The following MYT1L variants were observed in gnomAD, a reference collection of about 807,000 sequenced individuals.
MYT1L encodes the protein myelin transcription factor 1-like protein.
Under a neutral mutation model 126.7 loss-of-function variants are expected in MYT1L, and 12 were observed. The observed-to-expected ratio is 0.09, with a 90% CI of 0.06 to 0.15. The LOEUF is 0.15. MYT1L is among the 10% of genes least tolerant of loss of function. The probability of loss-of-function intolerance (pLI) is 1.00; values close to 1 mark genes in which losing one functional copy is unlikely to be tolerated. For synonymous variants in MYT1L, 541 were observed against 604.2 expected (o/e 0.90, Z 1.53); for missense variants, 979 against 1,585.2 (o/e 0.62, Z 6.49).
At chr2:1,986,579 T>C (rs542787839) in intron 5 of MYT1L, among the ~76,000 whole-genome samples, 69 of 152,300 alleles carry the variant, frequency 4.5e-4, no homozygotes, top group African/African-American at 1.6e-3. Context: ...CATAAAATAA[T>C]TTACATTTGA....
At chr2:2,159,042 C>T (rs2087299274) in intron 3 of MYT1L, among the ~76,000 whole-genome samples, 1 of 152,202 alleles carries the variant, frequency 6.6e-6, no homozygotes, top group South Asian at 2.1e-4. Flanking sequence ...ACACTCAGTG[C>T]ATCATGACAA....
At chr2:1,835,489 T>C (rs559161862) in intron 21 of MYT1L, among the ~76,000 whole-genome samples, 1 of 152,370 alleles carries the variant, frequency 6.6e-6, no homozygotes, top group African/African-American at 2.4e-5. Context: ...GAGGACCATC[T>C]GTATACCTAA....
At chr2:2,027,882 A>G (rs1158956044) in intron 4 of MYT1L, among the ~76,000 whole-genome samples, 3 of 152,350 alleles carry the variant, frequency 2.0e-5, no homozygotes, top group East Asian at 3.9e-4. Context: ...CTCATTATAC[A>G]TGGCAGCTAA....
At chr2:1,863,573 G>A (rs537244473) in intron 18 of MYT1L, among the ~76,000 whole-genome samples, 2 of 152,228 alleles carry the variant, frequency 1.3e-5, no homozygotes, top group Admixed American at 1.3e-4. Flanking sequence ...ACCCCCGGAA[G>A]GATAGAAACG....
chr2:2,265,606 G>A (rs946786730), intron 2 of MYT1L, among the ~76,000 whole-genome samples: 2 of 152,228 alleles, frequency 1.3e-5, no homozygotes, highest in Admixed American at 6.5e-5. Context: ...GTGCACCCGC[G>A]GCATGGGAAG....
intron 3 of MYT1L, among the ~76,000 whole-genome samples, chr2:2,060,863 C>CT (rs928522218): frequency 2.1e-5 from 3 of 142,250 alleles, no homozygotes; most frequent in Admixed American, 7.2e-5. Flanking sequence ...TCTCTCCTTC[C>CT]TTTTTTTTGG....
intron 2 of MYT1L, among the ~76,000 whole-genome samples, chr2:2,177,957 G>C (rs1392563051): frequency 1.3e-5 from 2 of 152,178 alleles, no homozygotes; most frequent in Non-Finnish European, 2.9e-5. Context: ...GGATAGCTGA[G>C]ATGATCTTTG....
chr2:2,163,412 A>T (rs557020483), intron 3 of MYT1L, among the ~76,000 whole-genome samples: 109 of 152,254 alleles, frequency 7.2e-4, no homozygotes, highest in African/African-American at 2.5e-3. Flanking sequence ...ATGTTGCCTG[A>T]CAGTAGTTGC....
intron 3 of MYT1L, among the ~76,000 whole-genome samples, chr2:2,066,377 A>C (rs61364857): frequency 6.6e-6 from 1 of 152,214 alleles, no homozygotes; most frequent in Non-Finnish European, 1.5e-5. Flanking sequence ...TCAGGAACAC[A>C]GACCCTCAAG....
At chr2:1,844,539 T>C (rs895699187) in intron 19 of MYT1L, among the ~76,000 whole-genome samples, 4 of 152,188 alleles carry the variant, frequency 2.6e-5, no homozygotes, top group Admixed American at 2.0e-4. Flanking sequence ...CTTCCAGGTA[T>C]TGCGCCAAGG....
intron 2 of MYT1L, among the ~76,000 whole-genome samples, chr2:2,260,344 C>A (rs1217843708): frequency 6.6e-6 from 1 of 152,180 alleles, no homozygotes; most frequent in African/African-American, 2.4e-5. Context: ...ATTGTAAAGG[C>A]ATATACAGAC....
intron 11 of MYT1L, among the ~76,000 whole-genome samples, chr2:1,913,899 T>C (rs1310230654): frequency 3.9e-5 from 6 of 152,130 alleles, no homozygotes; most frequent in Non-Finnish European, 8.8e-5. Flanking sequence ...CTGCAGCATG[T>C]GCAGCTCCTA....
chr2:2,025,314 T>C (rs2065428072), intron 4 of MYT1L, among the ~76,000 whole-genome samples: 1 of 152,184 alleles, frequency 6.6e-6, no homozygotes, highest in African/African-American at 2.4e-5. Context: ...CAGTTACACA[T>C]AGCCTCCTGG....
intron 4 of MYT1L, among the ~76,000 whole-genome samples, chr2:2,000,069 G>A (rs866832544): frequency 2.2e-4 from 34 of 152,322 alleles, no homozygotes; most frequent in Admixed American, 7.2e-4. Context: ...ATCCGTCCAC[G>A]TTATTCTAAT....
At chr2:2,281,284 A>G (rs1017925617) in intron 2 of MYT1L, among the ~76,000 whole-genome samples, 3 of 152,238 alleles carry the variant, frequency 2.0e-5, no homozygotes, top group African/African-American at 7.2e-5. Flanking sequence ...AGCCATGCAG[A>G]ACTGTGAGTC....
Position 1,801,658 on chromosome 2 carries a change from G to T in MYT1L, c.3276+38C>A. On this transcript the variant is annotated intron_variant, in intron 23 of 24. Transcript: ENST00000647738. This position sits in a 1 kb window ranked among gnomAD's most constrained non-coding sequence, Gnocchi z 4.2. ...CCATGTATCTCTGGTATAATGGCGCGTGTTAGAGCTAAAATTGAGGGCTTC... is the reference window on the plus strand; with the variant it reads ...CCATGTATCTCTGGTATAATGGCGCTTGTTAGAGCTAAAATTGAGGGCTTC... The T allele has an allele frequency of 7.8e-7, 1 of 1,275,430 alleles. No homozygotes were observed. The highest frequency in any genetic ancestry group is 2.3e-5 in the East Asian group (1 of 43,178). The allele number at this position is 1,275,430 out of a possible 1,614,324, so 79.0% of individuals were successfully genotyped here. A position where few individuals can be genotyped will look rare whatever the true frequency, so the allele number is the denominator to read the frequency against.
At chr2:2,254,350 G>A (rs2094748577) in intron 2 of MYT1L, among the ~76,000 whole-genome samples, 1 of 152,218 alleles carries the variant, frequency 6.6e-6, no homozygotes, top group South Asian at 2.1e-4. Flanking sequence ...AGAGGCCCTG[G>A]GAGGGGAACA....
intron 8 of MYT1L, among the ~76,000 whole-genome samples, chr2:1,975,736 C>T (rs1035107648): frequency 4.6e-4 from 70 of 152,230 alleles, no homozygotes; most frequent in African/African-American, 1.6e-3. Flanking sequence ...TGGTGGCGCA[C>T]ACTTGTAATC....
chr2:2,202,035 G>A (rs374456903), intron 2 of MYT1L, among the ~76,000 whole-genome samples: 2 of 152,060 alleles, frequency 1.3e-5, no homozygotes, highest in South Asian at 2.1e-4. Flanking sequence ...GGTACATAAC[G>A]AAATAAAGGC....
Sources: allele counts gnomAD v4.1 joint callset (sites outside exome capture counted in the v4.1 genomes callset), GRCh38; gene constraint gnomAD v4.1.1; non-coding constraint Gnocchi (gnomAD v3.1); transcripts MANE v1.5; gene names NCBI Gene and HGNC (gene_info 2026-07-23, HGNC 2026-07-21).